The following SEPTIN6 variants were observed in gnomAD, a reference collection of about 807,000 sequenced individuals.
SEPTIN6 encodes septin 6.
In SEPTIN6, 8 loss-of-function variants were observed where a neutral mutation model predicts 33.6. The observed-to-expected ratio is 0.24, with a 90% CI of 0.14 to 0.43. The LOEUF is 0.43. Ranked by LOEUF, SEPTIN6 falls within the 20% of genes least tolerant of loss-of-function variation. The pLI, the probability that SEPTIN6 is intolerant of heterozygous loss-of-function variation, is 1.00. For synonymous variants in SEPTIN6, 131 were observed against 140.0 expected, an observed-to-expected ratio of 0.94 and a Z score of 0.45; for missense variants, 250 against 340.8, an observed-to-expected ratio of 0.73 and a Z score of 2.10.
Position 119,618,835 on chromosome X carries a change from A to G in SEPTIN6, c.*1258T>C, listed in dbSNP as rs776808438. On this transcript the variant is annotated 3_prime_UTR_variant, in exon 11 of 11. Coordinates refer to ENST00000394610, the MANE Select transcript of SEPTIN6 (RefSeq NM_145799.4). ...GGCATGTTAGCCACAGATCATTGCC[A>G]GGTCAACTCCATCTCTCACACTGTC... 1.7e-6 allele frequency: 2 copies of G among 1,207,303 alleles called. No homozygotes were observed. The highest frequency in any genetic ancestry group is 2.2e-6 in the Non-Finnish European group (2 of 893,209).
At chrX:119,658,094 T>A (rs1858232026) in intron 3 of SEPTIN6, among the ~76,000 whole-genome samples, 3 of 112,032 alleles carry the variant, frequency 2.7e-5, no homozygotes, top group Admixed American at 9.5e-5. Context: ...GCCACTGCAC[T>A]CCCGTCTGGG....
chrX:119,620,485 A>AT (rs755273253), intron 10 of SEPTIN6, among the ~76,000 whole-genome samples: 2 of 108,022 alleles, frequency 1.9e-5, no homozygotes, highest in Admixed American at 9.9e-5. Context: ...CACCCGGCTA[A>AT]TTTTTTTGTA....
intron 2 of SEPTIN6, among the ~76,000 whole-genome samples, chrX:119,667,749 AC>A (rs2054668953): frequency 9.1e-6 from 1 of 109,964 alleles, no homozygotes; most frequent in East Asian, 2.9e-4. Flanking sequence ...AGCAGATTCC[AC>A]ACCCCTGCAG....
At chrX:119,640,625 TG>T in intron 6 of SEPTIN6, 66 bp downstream of exon 6, 2 of 894,511 alleles carry the variant, frequency 2.2e-6, no homozygotes, top group Non-Finnish European at 3.3e-6. Context: ...ATATAGTGGC[TG>T]GGGACAAACA....
Position 119,619,859 on chromosome X carries a change from C to A in SEPTIN6, c.*234G>T. The A allele has an allele frequency of 4.6e-6, 5 of 1,083,432 alleles. No individual in the cohort carries two copies. The highest frequency in any genetic ancestry group is 4.8e-6 in the Non-Finnish European group (4 of 834,003). The allele number at this position is 1,083,432 out of a possible 1,213,427, so 89.3% of individuals were successfully genotyped here. ...CTGGGATGCAGGATGCATCTGCGAG[C>A]CACATGACTGTTGGCTTCTTGACCA... On this transcript the variant is annotated 3_prime_UTR_variant, in exon 11 of 11. Transcript: ENST00000394610.
intron 2 of SEPTIN6, among the ~76,000 whole-genome samples, chrX:119,666,223 C>T (rs2054636887): frequency 8.9e-6 from 1 of 112,278 alleles, no homozygotes; most frequent in South Asian, 3.7e-4. Context: ...TCTCCTCTCC[C>T]CAACCCAGGG....
intron 1 of SEPTIN6, among the ~76,000 whole-genome samples, chrX:119,676,279 G>A (rs1399976837): frequency 3.7e-5 from 4 of 109,115 alleles, no homozygotes; most frequent in Admixed American, 3.0e-4. Flanking sequence ...CCTGGCCAAC[G>A]TGGCGAAACC....
chrX:119,658,909 A>G (rs753049200), intron 3 of SEPTIN6, among the ~76,000 whole-genome samples: 2 of 112,032 alleles, frequency 1.8e-5, no homozygotes, highest in Non-Finnish European at 3.8e-5. Flanking sequence ...GGCAGCAAAT[A>G]TCTTCTCCCC....
chrX:119,645,432 T>C (rs1342209205), intron 5 of SEPTIN6, among the ~76,000 whole-genome samples: 1 of 107,138 alleles, frequency 9.3e-6, no homozygotes, highest in African/African-American at 3.4e-5. Flanking sequence ...AGTTTTGCTC[T>C]TGGTGCCCAG....
chrX:119,676,085 C>T (rs2054834871), intron 1 of SEPTIN6, among the ~76,000 whole-genome samples: 1 of 111,741 alleles, frequency 8.9e-6, no homozygotes, highest in South Asian at 3.7e-4. Flanking sequence ...TTAGAGGTGA[C>T]TGGGAGCCTC....
At position 119,617,089 on chromosome X, in the gene SEPTIN6, GATGTGTGTAC is replaced by G; in HGVS notation, c.*2994_*3003del. ...ACTTCTTGGCTTAAGAGAAGTGAGG[GATGTGTGTAC>G]GTGTGTGTGTGTGTGTGTGTGTGTG... On this transcript the variant is annotated 3_prime_UTR_variant, in exon 11 of 11. Transcript: ENST00000394610. The G allele has an allele frequency of 2.3e-6, 2 of 882,641 alleles. No homozygotes were observed. The highest frequency in any genetic ancestry group is 7.3e-5 in the South Asian group (2 of 27,275). The allele number at this position is 882,641 out of a possible 1,213,427, so 72.7% of individuals were successfully genotyped here. A position where few individuals can be genotyped will look rare whatever the true frequency, so the allele number is the denominator to read the frequency against.
chrX:119,650,773 C>G (rs1318585346), intron 4 of SEPTIN6, among the ~76,000 whole-genome samples: 2 of 111,687 alleles, frequency 1.8e-5, no homozygotes, highest in Non-Finnish European at 3.8e-5. Context: ...ATAATCAACT[C>G]AGTTAGGTGA....
At chrX:119,664,551 G>C (rs2054601793) in intron 2 of SEPTIN6, among the ~76,000 whole-genome samples, 1 of 110,446 alleles carries the variant, frequency 9.1e-6, no homozygotes, top group Non-Finnish European at 1.9e-5. Flanking sequence ...GCAGTGGCCA[G>C]GCGTGGTGGC....
chrX:119,675,616 A>C lies in SEPTIN6; in HGVS notation c.83T>G (p.Leu28Trp). The C allele has an allele frequency of 8.5e-7, 1 of 1,170,745 alleles. No homozygotes were observed. The highest frequency in any genetic ancestry group is 1.1e-6 in the Non-Finnish European group (1 of 871,507). ...PLAGHVGFDS[L>W]PDQLVNKSVS... ...GGACTTATTCACCAGCTGGTCAGGCAAGCTGTCAAACCCCACATGTCCAGC... is the reference window on the plus strand; with the variant it reads ...GGACTTATTCACCAGCTGGTCAGGCCAGCTGTCAAACCCCACATGTCCAGC... Residue 28 changes from leucine to tryptophan, a missense_variant, in exon 2 of 11, where the codon TTG (leucine) becomes TGG (tryptophan). Leu to Trp is a moderately conservative substitution (Grantham distance 61). Coordinates refer to ENST00000394610, the MANE Select transcript of SEPTIN6 (RefSeq NM_145799.4).
chrX:119,670,471 G>C (rs11797061), intron 2 of SEPTIN6, among the ~76,000 whole-genome samples: 16,769 of 102,947 alleles, frequency 0.16, 1,292 homozygotes, highest in Admixed American at 0.36. Flanking sequence ...TGAAGCATGA[G>C]AATCACTTGA....
intron 6 of SEPTIN6, among the ~76,000 whole-genome samples, chrX:119,637,574 C>T (rs1351067637): frequency 9.2e-6 from 1 of 108,912 alleles, no homozygotes; most frequent in African/African-American, 3.4e-5. Context: ...TCCATCCATC[C>T]ATCCATCCAT....
chrX:119,673,362 G>A (rs746870777), intron 2 of SEPTIN6, among the ~76,000 whole-genome samples: 2 of 110,696 alleles, frequency 1.8e-5, no homozygotes, highest in Non-Finnish European at 3.8e-5. Context: ...AAACAACAAC[G>A]ACAACAAAAC....
chrX:119,647,969 T>TTTTTTTTTTTTTTTTTTTTTTTTTGAG (rs2054293290), intron 5 of SEPTIN6, among the ~76,000 whole-genome samples: 1 of 103,142 alleles, frequency 9.7e-6, no homozygotes, highest in African/African-American at 3.9e-5. Context: ...TAATTTTTTT[T>TTTTTTTTTTTTTTTTTTTTTTTTTGAG]AAATTTCAGT....
At chrX:119,674,988 C>T (rs1347626455) in intron 2 of SEPTIN6, among the ~76,000 whole-genome samples, 1 of 109,346 alleles carries the variant, frequency 9.1e-6, no homozygotes, top group Non-Finnish European at 1.9e-5. Context: ...GGGTGGATTG[C>T]TTGAGCTCAG....
Sources: allele counts gnomAD v4.1 joint callset (sites outside exome capture counted in the v4.1 genomes callset), GRCh38; gene constraint gnomAD v4.1.1; transcripts MANE v1.5; gene names NCBI Gene and HGNC (gene_info 2026-07-23, HGNC 2026-07-21).